Variants in SORD observed in about 807,000 individuals in gnomAD.
SORD encodes (R,R)-butanediol dehydrogenase.
SORD carries 18 observed loss-of-function variants against 35.6 expected under a neutral mutation model. The observed-to-expected ratio is 0.51, with a 90% confidence interval of 0.35 to 0.75. The LOEUF (loss-of-function observed/expected upper bound fraction) is 0.75. SORD is among the 30% of genes least tolerant of loss of function. SORD has a pLI of 0.01. For missense variants in SORD, 250 were observed against 390.2 expected, an observed-to-expected ratio of 0.64 and a Z score of 3.03; for synonymous variants, 106 against 152.9, an observed-to-expected ratio of 0.69 and a Z score of 2.26.
chr15:45,057,739 C>G (rs1396043258), intron 3 of SORD, among the ~76,000 whole-genome samples: 1 of 152,096 alleles, frequency 6.6e-6, no homozygotes, highest in Non-Finnish European at 1.5e-5. Context: ...GCCCAGATTG[C>G]ACCACTGCAC....
intron 1 of SORD, among the ~76,000 whole-genome samples, chr15:45,023,915 C>A (rs1034910141): frequency 6.6e-6 from 1 of 152,172 alleles, no homozygotes; most frequent in Non-Finnish European, 1.5e-5. Flanking sequence ...TCTCCAGAAC[C>A]CCTGCTGTTC....
intron 6 of SORD, 88 bp from the exon 7 acceptor site, chr15:45,068,789 C>G (rs1231365635): frequency 1.5e-5 from 21 of 1,423,634 alleles, no homozygotes; most frequent in Middle Eastern, 4.4e-4. Flanking sequence ...GCCATCAGAT[C>G]TTACATCTCC....
At chr15:45,030,037 T>C (rs1892750469) in intron 1 of SORD, among the ~76,000 whole-genome samples, 1 of 152,172 alleles carries the variant, frequency 6.6e-6, no homozygotes, top group East Asian at 1.9e-4. Flanking sequence ...ATATGTAAAA[T>C]AGGTGAAGGG....
In SORD at chr15:45,074,414, C is replaced by G. The variant is rs1187326797; in HGVS notation, c.*884C>G. On this transcript the variant is annotated 3_prime_UTR_variant, in exon 9 of 9. Transcript: ENST00000267814. ...TTCCCCCACCCCAGAAGATTAGCAT[C>G]CCATACTAGACTCATACTCAACTCA... 53 of 150,588 alleles carry G rather than the reference C, an allele frequency of 3.5e-4. 1 individual carries two copies. Among genetic ancestry groups the G allele is most frequent in the East Asian group, 1.6e-3 (8 of 5,116 alleles). The allele number at this position is 150,588 out of a possible 1,614,324, so 9.3% of individuals were successfully genotyped here.
chr15:45,055,606 C>T (rs951469049), intron 3 of SORD, among the ~76,000 whole-genome samples: 6 of 152,214 alleles, frequency 3.9e-5, no homozygotes, highest in East Asian at 3.9e-4. Flanking sequence ...TTCCAATCAA[C>T]AGAAAAAGAG....
intron 1 of SORD, among the ~76,000 whole-genome samples, 176 bp from the exon 2 acceptor site, chr15:45,040,232 C>T (rs1892944466): frequency 6.6e-6 from 1 of 151,818 alleles, no homozygotes; most frequent in Non-Finnish European, 1.5e-5. Context: ...GTGTGTGCAG[C>T]GTGCCATTTA....
intron 1 of SORD, among the ~76,000 whole-genome samples, 189 bp downstream of exon 1, chr15:45,023,538 GATCT>G: frequency 6.6e-6 from 1 of 152,370 alleles, no homozygotes; most frequent in East Asian, 1.9e-4. Flanking sequence ...GAAGGGCAGG[GATCT>G]AGTCGTGTGC....
At chr15:45,068,291 G>T in intron 6 of SORD, 45 bp downstream of exon 6, 1 of 1,424,140 alleles carries the variant, frequency 7.0e-7, no homozygotes, top group Non-Finnish European at 9.9e-7. Context: ...GGAAACAGCG[G>T]GTCCTACTGT....
chr15:45,052,986 G>C (rs1036276865), intron 3 of SORD, among the ~76,000 whole-genome samples: 1 of 152,188 alleles, frequency 6.6e-6, no homozygotes, highest in Non-Finnish European at 1.5e-5. Context: ...AGAAGGTGCT[G>C]AGATAGAACA....
chr15:45,028,072 C>T (rs1892706495), intron 1 of SORD, among the ~76,000 whole-genome samples: 1 of 152,188 alleles, frequency 6.6e-6, no homozygotes, highest in Non-Finnish European at 1.5e-5. Context: ...ATGCCTGTAA[C>T]CCCAGCACTT....
intron 3 of SORD, among the ~76,000 whole-genome samples, chr15:45,051,450 C>T (rs1234248545): frequency 6.6e-6 from 1 of 152,140 alleles, no homozygotes; most frequent in East Asian, 1.9e-4. Flanking sequence ...GAAAAGACAA[C>T]CTTGAAACTG....
At chr15:45,072,600 A>T (rs561299471) in intron 8 of SORD, among the ~76,000 whole-genome samples, 162 bp downstream of exon 8, 8 of 147,474 alleles carry the variant, frequency 5.4e-5, no homozygotes, top group Non-Finnish European at 1.0e-4. Flanking sequence ...AAGAGAGAAC[A>T]CTCACTGCCA....
chr15:45,064,738 A>G (rs188284767), intron 4 of SORD, among the ~76,000 whole-genome samples: 38 of 152,358 alleles, frequency 2.5e-4, no homozygotes, highest in Non-Finnish European at 5.3e-4. Context: ...CTAAAGTGAA[A>G]CTAAAAAGGC....
At chr15:45,034,550 G>A (rs962936725) in intron 1 of SORD, among the ~76,000 whole-genome samples, 1 of 152,270 alleles carries the variant, frequency 6.6e-6, no homozygotes, top group African/African-American at 2.4e-5. Flanking sequence ...AGGTACCTGA[G>A]ATGATTCCAT....
chr15:45,030,812 GCCTGGTGAGGAC>G (rs71967134), intron 1 of SORD, among the ~76,000 whole-genome samples: 30,871 of 150,154 alleles, frequency 0.21, 5 homozygotes, highest in African/African-American at 0.44. Context: ...CACCTCTCCA[GCCTGGTGAGGAC>G]AGGGGAGGCT....
intron 3 of SORD, among the ~76,000 whole-genome samples, chr15:45,044,305 T>G (rs1423723291): frequency 2.0e-5 from 3 of 152,002 alleles, no homozygotes; most frequent in Non-Finnish European, 4.4e-5. Context: ...AAGAGTGGGG[T>G]TCTGTAAATG....
At chr15:45,045,806 C>A (rs1595500494) in intron 3 of SORD, among the ~76,000 whole-genome samples, 1 of 152,130 alleles carries the variant, frequency 6.6e-6, no homozygotes, top group East Asian at 1.9e-4. Context: ...GAGTTTGAGA[C>A]CAGCATGAGC....
Position 45,065,404 on chromosome 15 carries a change from C to T in SORD, c.544+15C>T. Reference sequence around the variant, plus strand: ...GTGTGGAGCTGGTAAGAAACAGAAGCCACCCTGTTGCGGGTTCATTGACTG... The same window carrying T: ...GTGTGGAGCTGGTAAGAAACAGAAGTCACCCTGTTGCGGGTTCATTGACTG... On this transcript the variant is annotated intron_variant, in intron 5 of 8. Coordinates refer to ENST00000267814, the MANE Select transcript of SORD (RefSeq NM_003104.6). The T allele has an allele frequency of 6.3e-7, 1 of 1,592,176 alleles. No individual in the cohort carries two copies. Among genetic ancestry groups the T allele is most frequent in the African/African-American group, 1.4e-5 (1 of 73,900 alleles).
chr15:45,042,868 A>T (rs1892991145), intron 2 of SORD, among the ~76,000 whole-genome samples: 1 of 150,918 alleles, frequency 6.6e-6, no homozygotes. Flanking sequence ...TCTTGAGGAG[A>T]ATTCCTTCTC....
Sources: gnomAD v4.1 joint callset for allele counts (sites outside exome capture counted in the v4.1 genomes callset) on GRCh38, gnomAD v4.1.1 for gene constraint, MANE v1.5 for transcripts, NCBI Gene and HGNC (gene_info 2026-07-23, HGNC 2026-07-21) for gene names.